CHLSN: variants seen among roughly 807,000 people sequenced by gnomAD.
The protein encoded by CHLSN is protein cholesin.
the CHLSN span, chr7:1,091,806 C>A: frequency 2.5e-6 from 4 of 1,593,040 alleles, no homozygotes; most frequent in Non-Finnish European, 3.4e-6. Context: ...CCCCCAACAC[C>A]ACCTCCCCCG....
At chr7:1,135,996 A>C in the CHLSN span, among the ~76,000 whole-genome samples, 2 of 122,324 alleles carry the variant, frequency 1.6e-5, no homozygotes, top group Non-Finnish European at 3.1e-5. Flanking sequence ...AGCATATATA[A>C]ATATATATAT....
At chr7:1,133,401 A>AC in the CHLSN span, among the ~76,000 whole-genome samples, 5 of 151,750 alleles carry the variant, frequency 3.3e-5, no homozygotes, top group East Asian at 9.7e-4. Context: ...GCAAAAAAAA[A>AC]AAAAAAAAAA....
At chr7:1,043,971 C>T in the CHLSN span, 1 of 152,260 alleles carries the variant, frequency 6.6e-6, no homozygotes, top group African/African-American at 2.4e-5. Flanking sequence ...AGTAAATGTC[C>T]TTGTTTCAAC....
chr7:989,248 T>G, the CHLSN span: 1 of 191,802 alleles, frequency 5.2e-6, no homozygotes, highest in African/African-American at 2.3e-5. Flanking sequence ...CCCCAGGTCC[T>G]GGGACTCCTG....
the CHLSN span, chr7:1,058,820 T>C: frequency 4.9e-6 from 2 of 405,506 alleles, no homozygotes. Flanking sequence ...GTCAATGAAG[T>C]GATGAAAGCT....
the CHLSN span, among the ~76,000 whole-genome samples, chr7:1,132,671 A>G: frequency 6.7e-6 from 1 of 150,028 alleles, no homozygotes; most frequent in South Asian, 2.1e-4. Flanking sequence ...CCCAGCCTGG[A>G]CAACAGAGTG....
chr7:1,041,214 C>CAGTACCTGGGCTCCGCGCTGCGGGGAAG, the CHLSN span, among the ~76,000 whole-genome samples: 2 of 107,480 alleles, frequency 1.9e-5, no homozygotes, highest in African/African-American at 9.0e-5. Context: ...CTGCAGGGAA[C>CAGTACCTGGGCTCCGCGCTGCGGGGAAG]GGGACCTGGG....
the CHLSN span, among the ~76,000 whole-genome samples, chr7:1,113,888 C>T: frequency 2.0e-5 from 3 of 152,236 alleles, no homozygotes; most frequent in Non-Finnish European, 4.4e-5. Context: ...AGGCCACGCT[C>T]TGCTCCGGGG....
the CHLSN span, among the ~76,000 whole-genome samples, chr7:1,100,344 G>A: frequency 2.0e-5 from 3 of 152,338 alleles, no homozygotes; most frequent in Admixed American, 6.5e-5. Flanking sequence ...CTTCAGGTCC[G>A]GCTGGTGAGC....
the CHLSN span, among the ~76,000 whole-genome samples, chr7:1,053,349 C>G: frequency 6.6e-6 from 1 of 152,242 alleles, no homozygotes; most frequent in Non-Finnish European, 1.5e-5. Flanking sequence ...GAACCTTGCG[C>G]AGGACAGGAC....
the CHLSN span, chr7:1,058,306 A>C: frequency 1.3e-6 from 1 of 775,528 alleles, no homozygotes; most frequent in Non-Finnish European, 2.4e-6. Context: ...TCGCGAGGGA[A>C]GCCCGTGGAC....
chr7:1,058,499 G>A, the CHLSN span: 1 of 779,648 alleles, frequency 1.3e-6, no homozygotes, highest in East Asian at 2.4e-5. Flanking sequence ...ACATGGGGGT[G>A]CAGCAGGTGC....
the CHLSN span, among the ~76,000 whole-genome samples, chr7:1,130,376 C>A: frequency 6.6e-6 from 1 of 152,282 alleles, no homozygotes; most frequent in South Asian, 2.1e-4. Flanking sequence ...ACCTAAGGAA[C>A]AACCTGGGGT....
chr7:1,008,996 T>A, the CHLSN span, among the ~76,000 whole-genome samples: 2 of 53,178 alleles, frequency 3.8e-5, no homozygotes, highest in Non-Finnish European at 7.4e-5. Context: ...CGAACACACA[T>A]ACACGCACAC....
chr7:1,086,439 T>TA, the CHLSN span, among the ~76,000 whole-genome samples: 1 of 152,234 alleles, frequency 6.6e-6, no homozygotes. Context: ...AGGTACATAT[T>TA]AGAGTTGTCA....
At chr7:1,114,075 C>T in the CHLSN span, among the ~76,000 whole-genome samples, 6 of 152,234 alleles carry the variant, frequency 3.9e-5, no homozygotes, top group Admixed American at 2.6e-4. Context: ...CGCAGTGCAG[C>T]GGTGCCCATG....
At chr7:1,050,762 T>A in the CHLSN span, among the ~76,000 whole-genome samples, 1 of 151,962 alleles carries the variant, frequency 6.6e-6, no homozygotes, top group African/African-American at 2.4e-5. Flanking sequence ...TGAGCACCGC[T>A]CAGTAGATGA....
the CHLSN span, among the ~76,000 whole-genome samples, chr7:1,053,741 C>G: frequency 6.6e-6 from 1 of 152,170 alleles, no homozygotes; most frequent in Admixed American, 6.5e-5. Context: ...GCAGGAGAAT[C>G]GCTTGAACCC....
the CHLSN span, among the ~76,000 whole-genome samples, chr7:1,126,537 C>T: frequency 2.0e-5 from 3 of 151,626 alleles, no homozygotes; most frequent in South Asian, 4.2e-4. Flanking sequence ...AAAAACTAGT[C>T]GGGCGTGGTG....
Sources: gnomAD v4.1 joint callset for allele counts (sites outside exome capture counted in the v4.1 genomes callset) on GRCh38, gnomAD v4.1.1 for gene constraint, MANE v1.5 for transcripts, NCBI Gene and HGNC (gene_info 2026-07-23, HGNC 2026-07-21) for gene names.